CILP: variants seen among roughly 807,000 people sequenced by gnomAD.
CILP encodes the protein cartilage intermediate layer protein.
Under a neutral mutation model 82.5 loss-of-function variants are expected in CILP, and 75 were observed. The observed-to-expected ratio is 0.91, with a 90% confidence interval of 0.75 to 1.10. CILP has a LOEUF of 1.10. Among genes scored for constraint, CILP ranks in the 50% least tolerant of loss-of-function variants. The pLI, the probability that CILP is intolerant of heterozygous loss-of-function variation, is 0.00. For missense variants in CILP, 1,479 were observed against 1,530.8 expected (o/e 0.97, Z 0.56); for synonymous variants, 530 against 580.3 (o/e 0.91, Z 1.25).
At position 65,196,718 on chromosome 15, in the gene CILP, A is replaced by T; in HGVS notation, c.*13T>A. ...ATGAAATGAGGGCAGAAGAGGGTGA[A>T]GTACCACAAAACTTAGTTGATCAGG... On this transcript the variant is annotated 3_prime_UTR_variant, in exon 9 of 9. Transcript: ENST00000261883. 6.6e-7 allele frequency: 1 copy of T among 1,517,102 alleles called. No individual in the cohort carries two copies. The highest frequency in any genetic ancestry group is 8.9e-7 in the Non-Finnish European group (1 of 1,129,448). The allele number at this position is 1,517,102 out of a possible 1,614,324, so 94.0% of individuals were successfully genotyped here. A position where few individuals can be genotyped will look rare whatever the true frequency, so the allele number is the denominator to read the frequency against.
rs371376958 is a variant in CILP, at chr15:65,207,002, C to T, written c.204G>A (p.Lys68=). ...TGGCGTCCAGCCGCTCATAGTCGCC[C>T]TTCCCGCCTGGGTAGTCGATGTTGA... ...TWFNIDYPGG[K]GDYERLDAIR... The change falls in exon 4 of 9, where the codon AAG becomes AAA. Residue 68 remains lysine (K), a synonymous_variant. Transcript: ENST00000261883. 102 of 1,613,928 alleles carry T rather than the reference C, an allele frequency of 6.3e-5. No homozygotes were observed. Among genetic ancestry groups the T allele is most frequent in the Admixed American group, 6.7e-5 (4 of 59,996 alleles).
chr15:65,204,383 G>T lies in CILP; in HGVS notation c.804C>A (p.Cys268Ter), dbSNP rs761688387. 7.4e-6 allele frequency: 12 copies of T among 1,614,198 alleles called. No individual in the cohort carries two copies. Among genetic ancestry groups the T allele is most frequent in the Non-Finnish European group, 1.0e-5 (12 of 1,180,042 alleles). Residue 268 changes from cysteine (C) to a stop codon, truncating the protein, a stop_gained, in exon 6 of 9, where the codon TGC becomes TGA. Transcript: ENST00000261883. LOFTEE classifies it high-confidence loss of function. ...TCTTCAGGATGCTTTTGCCATCAGGGCACAAGCCAGGGATTCGGAATCTCC... is the reference window on the plus strand; with the variant it reads ...TCTTCAGGATGCTTTTGCCATCAGGTCACAAGCCAGGGATTCGGAATCTCC... ...SDGRFRIPGL[C>*]PDGKSILKIT...
At position 65,208,900 on chromosome 15, in the gene CILP, A is replaced by C. The variant is rs140539773; in HGVS notation, c.61+795T>G. Reference sequence around the variant, plus strand: ...CAGCAGCTGTCAGGGTGGAAAGAGCAAGGCAGGAGGCAGGCACATACAGGG... The same window carrying C: ...CAGCAGCTGTCAGGGTGGAAAGAGCCAGGCAGGAGGCAGGCACATACAGGG... On this transcript the variant is annotated intron_variant, in intron 2 of 8. Transcript: ENST00000261883. 5.0e-3 allele frequency among the ~76,000 whole-genome samples: 761 copies of C among 152,158 alleles called. 5 individuals carry two copies. Among genetic ancestry groups the C allele is most frequent in the East Asian group, 0.011 (57 of 5,170 alleles).
Position 65,198,242 on chromosome 15 carries a change from G to A in CILP, c.2044C>T (p.Leu682Phe), listed in dbSNP as rs561830434. Residue 682 changes from leucine to phenylalanine, a missense_variant, in exon 9 of 9, where the codon CTT becomes TTT. By Grantham distance (22) the Leu-to-Phe change is conservative. Transcript: ENST00000261883. Reference protein sequence around the residue: ...PLNAGKVKVHLDSTQVKMPEH... With the variant: ...PLNAGKVKVHFDSTQVKMPEH... The stretch of plus-strand genomic sequence containing the variant: ...GGCATCTTGACCTGGGTCGAGTCAA[G>A]GTGGACCTTCACTTTGCCAGCATTA... 6 of 1,614,246 alleles carry A rather than the reference G, an allele frequency of 3.7e-6. No homozygotes were observed. In the South Asian group the frequency reaches 5.5e-5, roughly 15 times the overall value.
At position 65,198,385 on chromosome 15, in the gene CILP, G is replaced by T. The variant is rs1335628550; in HGVS notation, c.1901C>A (p.Thr634Lys). The T allele has an allele frequency of 6.2e-7, 1 of 1,614,230 alleles. No individual in the cohort carries two copies. Among genetic ancestry groups the T allele is most frequent in the Non-Finnish European group, 8.5e-7 (1 of 1,180,040 alleles). The change falls in exon 9 of 9, where the codon ACA becomes AAA. Residue 634 changes from threonine (T) to lysine (K), a missense_variant. By Grantham distance (78) the Thr-to-Lys change is moderately conservative. Transcript: ENST00000261883. ...CAGGTCAGTCTGGGCAGCTGTGGCTGTGGAAATATTCCGGGGATCCAGGAA... is the reference window on the plus strand; with the variant it reads ...CAGGTCAGTCTGGGCAGCTGTGGCTTTGGAAATATTCCGGGGATCCAGGAA... ...VTFLDPRNIS[T>K]ATAAQTDLNF...
intron 2 of CILP, 31 bp downstream of exon 2, chr15:65,209,664 A>G: frequency 6.2e-7 from 1 of 1,611,352 alleles, no homozygotes; most frequent in Non-Finnish European, 8.5e-7. Flanking sequence ...CAAGTGGAAG[A>G]TTTGGGAGCC....
chr15:65,208,011 TAATG>T lies in CILP; in HGVS notation c.62-251_62-248del, dbSNP rs938177308. Among the ~76,000 whole-genome samples the T allele has an allele frequency of 1.1e-4, 17 of 152,328 alleles. 1 individual carries two copies. The highest frequency in any genetic ancestry group is 8.5e-4 in the Admixed American group (13 of 15,294). On this transcript the variant is annotated intron_variant, in intron 2 of 8. Transcript: ENST00000261883. ...GGGTCCTGGTGCATTATTCAGGTGA[TAATG>T]AATGTAAAGAGACCTGGCTTGTAGT...
At chr15:65,200,007 G>A (rs1324924640) in intron 8 of CILP, among the ~76,000 whole-genome samples, 4 of 152,154 alleles carry the variant, frequency 2.6e-5, no homozygotes, top group Non-Finnish European at 4.4e-5. Flanking sequence ...CCCAAGGACT[G>A]TGAATGCCAG....
rs2088402018 is a variant in CILP at position 65,198,243 on chromosome 15, G to A, written c.2043C>T (p.His681=). The A allele has an allele frequency of 6.2e-7, 1 of 1,614,242 alleles. No individual in the cohort carries two copies. The highest frequency in any genetic ancestry group is 8.5e-7 in the Non-Finnish European group (1 of 1,180,048). Residue 681 remains histidine (H), a synonymous_variant, in exon 9 of 9, where the codon CAC becomes CAT. Coordinates refer to ENST00000261883, the MANE Select transcript of CILP (RefSeq NM_003613.4). ...EPLNAGKVKV[H]LDSTQVKMPE... ...GCATCTTGACCTGGGTCGAGTCAAG[G>A]TGGACCTTCACTTTGCCAGCATTAA...
In CILP at chr15:65,196,899, G is replaced by A. The variant is rs1243667033; in HGVS notation, c.3387C>T (p.Ala1129=). The A allele has an allele frequency of 6.2e-7, 1 of 1,613,560 alleles. No homozygotes were observed. The highest frequency in any genetic ancestry group is 1.7e-5 in the Admixed American group (1 of 59,938). ...CVERQVGRQS[A]FQYLQSTPAQ... ...CTGGGGTGCTTTGGAGGTACTGGAA[G>A]GCACTCTGGCGGCCTACTTGCCTCT... The change falls in exon 9 of 9, where the codon GCC becomes GCT. Residue 1129 remains alanine, a synonymous_variant. Transcript: ENST00000261883.
Position 65,197,078 on chromosome 15 carries a change from G to A in CILP, c.3208C>T (p.Leu1070=). Residue 1070 remains leucine (L), a synonymous_variant, in exon 9 of 9, where the codon CTG becomes TTG. Transcript: ENST00000261883. ...GTGTAGATGCCATAGTTGTGGCCCA[G>A]TGGGTCCAAGGGTGCCAGCATGGTG... is the stretch of plus-strand genomic sequence containing the variant. ...EYTMLAPLDP[L]GHNYGIYTVT... is the part of the protein sequence containing the mutation. The A allele has an allele frequency of 6.2e-7, 1 of 1,613,918 alleles. No individual in the cohort carries two copies. The highest frequency in any genetic ancestry group is 8.5e-7 in the Non-Finnish European group (1 of 1,179,984).
rs1344601401 is a variant in CILP, at chr15:65,196,680, C to A, written c.*51G>T. ...AGTGACAGTTTGTGCATCAGTCTCA[C>A]AATGGCTGTCACATGAAATGAGGGC... On this transcript the variant is annotated 3_prime_UTR_variant, in exon 9 of 9. Transcript: ENST00000261883. 1.4e-6 allele frequency: 2 copies of A among 1,441,114 alleles called. No individual in the cohort carries two copies. The highest frequency in any genetic ancestry group is 1.9e-6 in the Non-Finnish European group (2 of 1,069,362). 89.3% of individuals were successfully genotyped at this position (1,441,114 alleles called of 1,614,324 possible). A position where few individuals can be genotyped will look rare whatever the true frequency, so the allele number is the denominator to read the frequency against.
Position 65,201,936 on chromosome 15 carries a change from G to T in CILP, c.1122C>A (p.Tyr374Ter), listed in dbSNP as rs1462244205. The part of the protein sequence containing the change: ...RKLQQHQAGE[Y>*]FCKAQSDAGA... ...CAGCATCACTCTGGGCCTTGCAAAA[G>T]TACTCCCCAGCCTGGTGCTGCTGCA... Residue 374 changes from tyrosine to a stop codon, truncating the protein, a stop_gained, in exon 8 of 9, where the codon TAC becomes TAA. Transcript: ENST00000261883. LOFTEE classifies it high-confidence loss of function. The T allele has an allele frequency of 6.2e-7, 1 of 1,608,848 alleles. No individual in the cohort carries two copies. The highest frequency in any genetic ancestry group is 1.1e-5 in the South Asian group (1 of 89,882).
At chr15:65,206,438 AG>A (rs984111928) in intron 4 of CILP, among the ~76,000 whole-genome samples, 7 of 152,202 alleles carry the variant, frequency 4.6e-5, no homozygotes, top group African/African-American at 1.7e-4. Flanking sequence ...AAATTTGTCT[AG>A]GGGACACATC....
intron 8 of CILP, among the ~76,000 whole-genome samples, chr15:65,199,418 G>T (rs557184995): frequency 6.6e-6 from 1 of 152,208 alleles, no homozygotes; most frequent in Non-Finnish European, 1.5e-5. Context: ...GGCCATTGAT[G>T]TTCTATGTCC....
At position 65,196,776 on chromosome 15, in the gene CILP, G is replaced by C. The variant is rs369364421; in HGVS notation, c.3510C>G (p.Ala1170=). 1 of 1,580,418 alleles carries C rather than the reference G, an allele frequency of 6.3e-7. No homozygotes were observed. Among genetic ancestry groups the C allele is most frequent in the Non-Finnish European group, 8.6e-7 (1 of 1,161,288 alleles). Residue 1170 remains alanine (A), a synonymous_variant, in exon 9 of 9, where the codon GCC becomes GCG. Coordinates refer to ENST00000261883, the MANE Select transcript of CILP (RefSeq NM_003613.4). The part of the protein sequence containing the change: ...RGGQRQGGVV[A]SLRFPRVAQQ... ...GAGCAACTCTAGGAAATCTCAGAGA[G>C]GCCACCACTCCACCCTGGCGCTGGC... is the stretch of plus-strand genomic sequence containing the variant.
At chr15:65,210,179 C>G (rs2088569700) in intron 1 of CILP, among the ~76,000 whole-genome samples, 1 of 152,004 alleles carries the variant, frequency 6.6e-6, no homozygotes, top group Non-Finnish European at 1.5e-5. Context: ...CTCTTGGTGA[C>G]TCGTCACTTC....
chr15:65,202,074 C>T, intron 7 of CILP, 45 bp from the exon 8 acceptor site: 2 of 1,450,714 alleles, frequency 1.4e-6, no homozygotes, highest in Non-Finnish European at 1.8e-6. Flanking sequence ...AGTGGGAGGG[C>T]AGGTATTCCT....
rs267604289 is a variant in CILP, at chr15:65,197,699, C to A, written c.2587G>T (p.Asp863Tyr). ...TTTTTAACCCGTGGATCCTCATGGT[C>A]CGTCCGACGGTAGTTGAGCTTGTTG... Reference protein sequence around the residue: ...YLNKLNYRRTDHEDPRVKKTA... With the variant: ...YLNKLNYRRTYHEDPRVKKTA... Residue 863 changes from aspartate (D) to tyrosine (Y), a missense_variant, in exon 9 of 9, where the codon GAC (aspartate) becomes TAC (tyrosine). Transcript: ENST00000261883. 5.6e-6 allele frequency: 9 copies of A among 1,613,332 alleles called. No individual in the cohort carries two copies. In the Admixed American group the frequency reaches 1.5e-4, roughly 27 times the overall value.
Sources: allele counts gnomAD v4.1 joint callset (sites outside exome capture counted in the v4.1 genomes callset), GRCh38; gene constraint gnomAD v4.1.1; transcripts MANE v1.5; gene names NCBI Gene and HGNC (gene_info 2026-07-23, HGNC 2026-07-21).